CMA1: variants seen among roughly 807,000 people sequenced by gnomAD.
The protein encoded by CMA1 is chymase 1.
CMA1 carries 24 observed loss-of-function variants against 18.8 expected under a neutral mutation model. That is an observed-to-expected ratio of 1.28 (90% CI 0.92 to 1.80). The LOEUF is 1.80. Among genes scored for constraint, CMA1 ranks in the 40% most tolerant of loss-of-function variants. CMA1 has a pLI of 0.00. For missense variants in CMA1, 421 were observed against 302.8 expected, an observed-to-expected ratio of 1.39 and a Z score of -2.90; for synonymous variants, 152 against 117.0, an observed-to-expected ratio of 1.30 and a Z score of -1.93.
chr14:24,505,552 G>A lies in CMA1; in HGVS notation c.708C>T (p.Tyr236=), dbSNP rs1431409408. The A allele has an allele frequency of 5.0e-6, 8 of 1,614,104 alleles. No homozygotes were observed. The highest frequency in any genetic ancestry group is 6.8e-6 in the Non-Finnish European group (8 of 1,180,024). Residue 236 remains tyrosine (Y), a synonymous_variant, in exon 5 of 5, where the codon TAC becomes TAT. Coordinates refer to ENST00000250378, the MANE Select transcript of CMA1 (RefSeq NM_001836.5). ...GCAGGATCTGGTTGATCCAGGGCCGGTAATGGGAGATTCGGGTGAAGACAG... is the reference window on the plus strand; with the variant it reads ...GCAGGATCTGGTTGATCCAGGGCCGATAATGGGAGATTCGGGTGAAGACAG... ...PPAVFTRISH[Y]RPWINQILQA...
At chr14:24,507,208 G>C in intron 2 of CMA1, 148 bp downstream of exon 2, 1 of 911,494 alleles carries the variant, frequency 1.1e-6, no homozygotes, top group Admixed American at 2.0e-5. Flanking sequence ...TTCAAACACA[G>C]ACTAAAGTCT....
intron 1 of CMA1, 40 bp from the exon 2 acceptor site, chr14:24,507,546 T>A: frequency 6.3e-7 from 1 of 1,586,620 alleles, no homozygotes; most frequent in Non-Finnish European, 8.6e-7. Context: ...CGGCCATAGA[T>A]ACTCTCTCCA....
rs895839616 is a variant in CMA1 at position 24,506,281 on chromosome 14, A to G, written c.347T>C (p.Leu116Ser). 4.3e-6 allele frequency: 7 copies of G among 1,613,536 alleles called. No individual in the cohort carries two copies. In the African/African-American group the frequency reaches 8.0e-5, roughly 18 times the overall value. ...TLHHDIMLLK[L>S]KEKASLTLAV... ...CAGGGTCAGGCTGGCTTTCTCCTTCAACTGTGAAGGGAATGAAGGACTGTC... is the reference window on the plus strand; with the variant it reads ...CAGGGTCAGGCTGGCTTTCTCCTTCGACTGTGAAGGGAATGAAGGACTGTC... The change falls in exon 4 of 5, where the codon TTG becomes TCG. Residue 116 changes from leucine to serine, a missense_variant and splice_region_variant. Leu to Ser is a moderately radical substitution (Grantham distance 145, BLOSUM62 -2). Coordinates refer to ENST00000250378, the MANE Select transcript of CMA1 (RefSeq NM_001836.5).
chr14:24,505,713 G>T, intron 4 of CMA1, 54 bp from the exon 5 acceptor site: 1 of 1,548,780 alleles, frequency 6.5e-7, no homozygotes, highest in Non-Finnish European at 8.7e-7. Flanking sequence ...CTCCACTCCT[G>T]TCTGCCAGCC....
In CMA1 at chr14:24,506,604, C is replaced by T. The variant is rs754716628; in HGVS notation, c.210G>A (p.Arg70=). 21 of 1,613,582 alleles carry T rather than the reference C, an allele frequency of 1.3e-5. 1 individual carries two copies. The Admixed American group carries it at 2.3e-4, about 18-fold the overall frequency. ...GGGCTCCAAGGGTGACTGTTATAGA[C>T]CTGTTGTGAGGAAGAAGGAAGGAAA... ...FVLTAAHCAG[R]SITVTLGAHN... Residue 70 remains arginine, a splice_region_variant and synonymous_variant, in exon 3 of 5, where the codon AGG becomes AGA. Coordinates refer to ENST00000250378, the MANE Select transcript of CMA1 (RefSeq NM_001836.5).
chr14:24,508,146 C>A (rs2043874806), intron 1 of CMA1, 32 bp downstream of exon 1: 1 of 1,598,072 alleles, frequency 6.3e-7, no homozygotes. Flanking sequence ...GCTGATACTG[C>A]AGATTTCAGA....
chr14:24,507,356 C>CT lies in CMA1; in HGVS notation c.208dup (p.Arg70LysfsTer11), dbSNP rs1235115695. 1.2e-6 allele frequency: 2 copies of CT among 1,614,026 alleles called. No individual in the cohort carries two copies. Among genetic ancestry groups the CT allele is most frequent in the Non-Finnish European group, 1.7e-6 (2 of 1,180,028 alleles). ...AGATAAATAGACCCTGTTGTCTCAC[C>CT]TTCCTGCACAATGAGCAGCCGTCAG... On this transcript the variant is annotated frameshift_variant and splice_region_variant, in exon 2 of 5. Transcript: ENST00000250378. LOFTEE classifies it high-confidence loss of function.
rs1037479728 is a variant in CMA1 at position 24,506,170 on chromosome 14, C to A, written c.458G>T (p.Gly153Val). Residue 153 changes from glycine to valine, a missense_variant, in exon 4 of 5, where the codon GGT becomes GTT. Physicochemically the swap from Gly to Val is moderately radical, Grantham distance 109. Coordinates refer to ENST00000250378, the MANE Select transcript of CMA1 (RefSeq NM_001836.5). ...MCRVAGWGRT[G>V]VLKPGSDTLQ... ...AGTGTCTGAGCCCGGCTTCAACACACCTGTTCTTCCCCAGCCAGCCACCCG... is the reference window on the plus strand; with the variant it reads ...AGTGTCTGAGCCCGGCTTCAACACAACTGTTCTTCCCCAGCCAGCCACCCG... The A allele has an allele frequency of 2.2e-5, 35 of 1,614,098 alleles. No individual in the cohort carries two copies. Among genetic ancestry groups the A allele is most frequent in the Non-Finnish European group, 3.0e-5 (35 of 1,180,052 alleles).
chr14:24,506,342 T>C, intron 3 of CMA1, 60 bp from the exon 4 acceptor site: 1 of 1,596,806 alleles, frequency 6.3e-7, no homozygotes. Context: ...TTGGAGGTGA[T>C]CAGGGAGGGA....
chr14:24,507,263 AC>A (rs974503891), intron 2 of CMA1, 92 bp downstream of exon 2: 148 of 1,451,856 alleles, frequency 1.0e-4, no homozygotes, highest in Non-Finnish European at 1.3e-4. Context: ...AAGACCCAGG[AC>A]CCCCTCTTCA....
chr14:24,505,654 GTCT>G lies in CMA1; in HGVS notation c.603_605del (p.Asp202del). ...CAGCACACAGAAGAGGGCCCCCAGA[GTCT>G]CCCTGTAGGGGGAGGAGAGAGAGAA... On this transcript the variant is annotated inframe_deletion and splice_region_variant, in exon 5 of 5. Transcript: ENST00000250378. 1 of 1,609,768 alleles carries G rather than the reference GTCT, an allele frequency of 6.2e-7. No homozygotes were observed. The highest frequency in any genetic ancestry group is 8.5e-7 in the Non-Finnish European group (1 of 1,178,162).
rs138432864 is a variant in CMA1 at position 24,507,468 on chromosome 14, G to A, written c.97C>T (p.Arg33Cys). The A allele has an allele frequency of 1.6e-4, 256 of 1,614,142 alleles. No homozygotes were observed. The African/African-American group carries it at 2.1e-3, about 13-fold the overall frequency. ...ATTTCCAGGTAGGCCATGTAGGGGC[G>A]GGAATGTGGCTTGCATTCTGTGCCC... ...IGGTECKPHS[R>C]PYMAYLEIVT... The change falls in exon 2 of 5, where the codon CGC (arginine) becomes TGC (cysteine). Residue 33 changes from arginine to cysteine, a missense_variant. Transcript: ENST00000250378.
At chr14:24,507,273 C>T (rs2043865267) in intron 2 of CMA1, 83 bp downstream of exon 2, 2 of 1,527,814 alleles carry the variant, frequency 1.3e-6, no homozygotes, top group East Asian at 4.5e-5. Context: ...ACCCCCTCTT[C>T]AGTCCCCAGT....
Position 24,505,425 on chromosome 14 carries a change from AG to A in CMA1, c.*90del. 1 of 1,550,304 alleles carries A rather than the reference AG, an allele frequency of 6.5e-7. No homozygotes were observed. Among genetic ancestry groups the A allele is most frequent in the Non-Finnish European group, 8.9e-7 (1 of 1,124,892 alleles). On this transcript the variant is annotated 3_prime_UTR_variant, in exon 5 of 5. Transcript: ENST00000250378. Reference sequence around the variant, plus strand: ...TTCTGGAGGCTTAGGGTTGTGGCTGAGGGACCAAGGGTAGACCAGAATGAGT... The same window carrying A: ...TTCTGGAGGCTTAGGGTTGTGGCTGAGGACCAAGGGTAGACCAGAATGAGT...
chr14:24,507,621 TCCG>T lies in CMA1; in HGVS notation c.59-118_59-116del, dbSNP rs2043869744. 3 of 1,226,168 alleles carry T rather than the reference TCCG, an allele frequency of 2.4e-6. No individual in the cohort carries two copies. In the South Asian group the frequency reaches 4.3e-5, roughly 18 times the overall value. 76.0% of individuals were successfully genotyped at this position (1,226,168 alleles called of 1,614,324 possible). On this transcript the variant is annotated intron_variant, in intron 1 of 4. Transcript: ENST00000250378. ...CTGGAATCTCATTCTCACCCTGTGT[TCCG>T]CCCATCTTCCCTCTCCTGTCTCCTG...
At chr14:24,507,223 G>T in intron 2 of CMA1, 133 bp downstream of exon 2, 2 of 1,041,514 alleles carry the variant, frequency 1.9e-6, no homozygotes, top group Non-Finnish European at 3.0e-6. Context: ...AAGTCTTTCA[G>T]CCCAAGTCTT....
At position 24,506,227 on chromosome 14, in the gene CMA1, T is replaced by A; in HGVS notation, c.401A>T (p.Gln134Leu). 1.2e-6 allele frequency: 2 copies of A among 1,614,082 alleles called. No individual in the cohort carries two copies. Among genetic ancestry groups the A allele is most frequent in the Non-Finnish European group, 1.7e-6 (2 of 1,180,004 alleles). ...TCTCCCAGGTGGGACAAAGTTGAATTGGGATGGGAAGGGGAGTGTCCCCAC... is the reference window on the plus strand; with the variant it reads ...TCTCCCAGGTGGGACAAAGTTGAATAGGGATGGGAAGGGGAGTGTCCCCAC... ...LAVGTLPFPSQFNFVPPGRMC... is the reference protein window; with the variant it reads ...LAVGTLPFPSLFNFVPPGRMC... The change falls in exon 4 of 5, where the codon CAA (glutamine) becomes CTA (leucine). Residue 134 changes from glutamine to leucine, a missense_variant. Coordinates refer to ENST00000250378, the MANE Select transcript of CMA1 (RefSeq NM_001836.5).
In CMA1 at chr14:24,505,451, T is replaced by C; in HGVS notation, c.*65A>G. On this transcript the variant is annotated 3_prime_UTR_variant, in exon 5 of 5. Transcript: ENST00000250378. Reference sequence around the variant, plus strand: ...GGGACCAAGGGTAGACCAGAATGAGTGGCACACACTTTGCTGCTCAGGTCC... The same window carrying C: ...GGGACCAAGGGTAGACCAGAATGAGCGGCACACACTTTGCTGCTCAGGTCC... The C allele has an allele frequency of 6.2e-7, 1 of 1,605,158 alleles. No individual in the cohort carries two copies. The highest frequency in any genetic ancestry group is 8.5e-7 in the Non-Finnish European group (1 of 1,172,826).
In CMA1 at chr14:24,507,389, T is replaced by A; in HGVS notation, c.176A>T (p.Asn59Ile). The A allele has an allele frequency of 6.2e-7, 1 of 1,614,134 alleles. No individual in the cohort carries two copies. The highest frequency in any genetic ancestry group is 1.1e-5 in the South Asian group (1 of 91,082). Residue 59 changes from asparagine (N) to isoleucine (I), a missense_variant, in exon 2 of 5, where the codon AAC becomes ATC. Asn to Ile is a moderately radical substitution (Grantham distance 149). Coordinates refer to ENST00000250378, the MANE Select transcript of CMA1 (RefSeq NM_001836.5). ...ACAATGAGCAGCCGTCAGCACAAAG[T>A]TCCGTCTTATAAGGAAACCACCACA... ...KFCGGFLIRR[N>I]FVLTAAHCAG... is the part of the protein sequence containing the mutation.
Sources: gnomAD v4.1 joint callset for allele counts on GRCh38, gnomAD v4.1.1 for gene constraint, MANE v1.5 for transcripts, NCBI Gene and HGNC (gene_info 2026-07-23, HGNC 2026-07-21) for gene names.